SPATA13: variants seen among roughly 807,000 people sequenced by gnomAD.
SPATA13 encodes spermatogenesis associated 13, also known as spermatogenesis-associated protein 13.
A neutral mutation model predicts 104.0 loss-of-function variants in SPATA13; 50 were observed. That is an observed-to-expected ratio of 0.48 (90% CI 0.38 to 0.61). The LOEUF (loss-of-function observed/expected upper bound fraction) is 0.61. SPATA13 is among the 20% of genes least tolerant of loss of function. The probability of loss-of-function intolerance (pLI) is 0.00; values close to 1 mark genes in which losing one functional copy is unlikely to be tolerated. For missense variants in SPATA13, 1,524 were observed against 1,690.6 expected (o/e 0.90, Z 1.73); for synonymous variants, 606 against 667.5 (o/e 0.91, Z 1.42).
intron 3 of SPATA13, chr13:24,122,939 A>G (rs548517546): frequency 1.3e-5 from 10 of 780,806 alleles, no homozygotes; most frequent in South Asian, 1.1e-4. Context: ...CTTCAGCTAC[A>G]CTAAGAAGCG....
intron 1 of SPATA13, among the ~76,000 whole-genome samples, chr13:24,212,530 A>T (rs1871083544): frequency 6.6e-6 from 1 of 152,174 alleles, no homozygotes; most frequent in Non-Finnish European, 1.5e-5. Context: ...TACTTGGCCT[A>T]AGAAGAACTA....
At chr13:24,141,183 A>G (rs1358578597) in intron 3 of SPATA13, among the ~76,000 whole-genome samples, 1 of 150,756 alleles carries the variant, frequency 6.6e-6, no homozygotes, top group Non-Finnish European at 1.5e-5. Flanking sequence ...CAAAAAAAAA[A>G]AAGAAAAAGA....
intron 3 of SPATA13, among the ~76,000 whole-genome samples, chr13:24,073,392 C>G (rs1313575773): frequency 6.6e-6 from 1 of 152,212 alleles, no homozygotes; most frequent in Admixed American, 6.5e-5. Flanking sequence ...TACTTGTTTT[C>G]TATTTGATAC....
At chr13:24,081,123 T>C (rs1235768328) in intron 3 of SPATA13, among the ~76,000 whole-genome samples, 1 of 152,204 alleles carries the variant, frequency 6.6e-6, no homozygotes, top group East Asian at 1.9e-4. Context: ...AGTGAACACA[T>C]AGTGTTACTG....
At chr13:24,103,519 A>T (rs1165508124) in intron 3 of SPATA13, among the ~76,000 whole-genome samples, 1 of 149,054 alleles carries the variant, frequency 6.7e-6, no homozygotes, top group East Asian at 2.0e-4. Context: ...AGAAAAGAGC[A>T]GGGGAGGAGA....
At chr13:24,032,178 A>G (rs920185366) in intron 3 of SPATA13, among the ~76,000 whole-genome samples, 1 of 152,132 alleles carries the variant, frequency 6.6e-6, no homozygotes, top group Admixed American at 6.5e-5. Context: ...TGGTTCAGCT[A>G]CAACCCCACC....
rs1226038848 is a variant in SPATA13, at chr13:24,190,074, ATT to A, written c.-112+29143_-112+29144del. Among the ~76,000 whole-genome samples, 10 of 100,806 alleles carry A rather than the reference ATT, an allele frequency of 9.9e-5. 2 individuals carry two copies. The highest frequency in any genetic ancestry group is 4.6e-4 in the African/African-American group (10 of 21,614). The allele number at this position is 100,806 out of a possible 152,430, so 66.1% of individuals were successfully genotyped here. Reference sequence around the variant, plus strand: ...TAACATATAATGATATACTATATATATTATTATATAACATATAATGATATACA... The same window carrying A: ...TAACATATAATGATATACTATATATAATTATATAACATATAATGATATACA... On this transcript the variant is annotated intron_variant, in intron 1 of 12. Coordinates refer to ENST00000382108, the MANE Select transcript of SPATA13 (RefSeq NM_001166271.3).
chr13:24,305,873 G>A lies in SPATA13; in HGVS notation c.*3100G>A, dbSNP rs1354479045. On this transcript the variant is annotated 3_prime_UTR_variant, in exon 13 of 13. Transcript: ENST00000382108. ...ATAAAAACCCTGCCGTAGATTAAAA[G>A]CAATTATAAAATCATAAAATTGAAT... 2 of 152,210 alleles carry A rather than the reference G, an allele frequency of 1.3e-5. No individual in the cohort carries two copies. Among genetic ancestry groups the A allele is most frequent in the South Asian group, 2.1e-4 (1 of 4,832 alleles). 9.4% of individuals were successfully genotyped at this position (152,210 alleles called of 1,614,324 possible).
In SPATA13 at chr13:24,064,546, G is replaced by A. The variant is rs117539845; in HGVS notation, c.-112+46845G>A. Among the ~76,000 whole-genome samples the A allele has an allele frequency of 2.9e-3, 439 of 152,184 alleles. 14 individuals are homozygous for A. The East Asian group carries it at 0.062, about 21-fold the overall frequency. ...AAAAGAGCCCCCAGAGAACTCCCAC[G>A]CCCTTATTGCCATGTGAGAACATAG... On this transcript the variant is annotated intron_variant, in intron 3 of 14. Transcript: ENST00000424834.
chr13:24,071,568 G>A (rs182367406), intron 3 of SPATA13, among the ~76,000 whole-genome samples: 203 of 152,306 alleles, frequency 1.3e-3, no homozygotes, highest in African/African-American at 4.7e-3. Context: ...AAACCAGCAC[G>A]CAGAGATGTG....
At chr13:24,118,580 C>G (rs568927275) in intron 3 of SPATA13, among the ~76,000 whole-genome samples, 45 of 152,266 alleles carry the variant, frequency 3.0e-4, no homozygotes, top group African/African-American at 1.0e-3. Flanking sequence ...GCCCCACCCC[C>G]TGAATTTCTG....
intron 3 of SPATA13, among the ~76,000 whole-genome samples, chr13:24,022,745 A>G (rs997654617): frequency 2.0e-5 from 3 of 152,190 alleles, no homozygotes; most frequent in African/African-American, 7.2e-5. Context: ...TGGGGTCACC[A>G]TTGTGGGCCA....
intron 2 of SPATA13, 76 bp from the exon 3 acceptor site, chr13:24,249,401 G>C (rs1340848629): frequency 1.4e-6 from 2 of 1,439,654 alleles, no homozygotes; most frequent in Non-Finnish European, 1.8e-6. Context: ...GTGGTGGTGA[G>C]AGGGAATGTA....
At chr13:24,073,744 ACTT>A (rs1879240418) in intron 3 of SPATA13, among the ~76,000 whole-genome samples, 1 of 152,230 alleles carries the variant, frequency 6.6e-6, no homozygotes, top group African/African-American at 2.4e-5. Context: ...TTTTAAATAA[ACTT>A]CTCTCCTGCT....
intron 1 of SPATA13, among the ~76,000 whole-genome samples, chr13:24,214,541 A>G (rs935228784): frequency 1.3e-5 from 2 of 152,236 alleles, no homozygotes; most frequent in African/African-American, 4.8e-5. Flanking sequence ...ATGTTGTGTG[A>G]CTAGCACAGG....
At chr13:24,175,859 C>T (rs190363885) in intron 1 of SPATA13, among the ~76,000 whole-genome samples, 1 of 152,176 alleles carries the variant, frequency 6.6e-6, no homozygotes, top group East Asian at 1.9e-4. Flanking sequence ...CTATGCAGAG[C>T]GATTACTAGA....
At chr13:23,988,839 C>A (rs893757871) in intron 2 of SPATA13, among the ~76,000 whole-genome samples, 5 of 152,126 alleles carry the variant, frequency 3.3e-5, no homozygotes, top group Non-Finnish European at 7.4e-5. Context: ...TTTTTCTCCC[C>A]CCTCTTCTTT....
chr13:24,143,728 C>A (rs1881839178), intron 3 of SPATA13, among the ~76,000 whole-genome samples: 1 of 152,128 alleles, frequency 6.6e-6, no homozygotes, highest in Admixed American at 6.6e-5. Context: ...ACAGTGGGGG[C>A]TGAGCCCTTT....
chr13:24,190,033 A>AT (rs1869529166), intron 1 of SPATA13, among the ~76,000 whole-genome samples: 1 of 97,670 alleles, frequency 1.0e-5, no homozygotes, highest in African/African-American at 4.8e-5. Flanking sequence ...AATGATATAC[A>AT]ATATATATTA....
Sources: gnomAD v4.1 joint callset for allele counts (sites outside exome capture counted in the v4.1 genomes callset) on GRCh38, gnomAD v4.1.1 for gene constraint, MANE v1.5 for transcripts, NCBI Gene and HGNC (gene_info 2026-07-23, HGNC 2026-07-21) for gene names.